The following PDGFD variants were observed in gnomAD, a reference collection of about 807,000 sequenced individuals.
PDGFD encodes the protein platelet-derived growth factor D.
PDGFD carries 30 observed loss-of-function variants against 44.7 expected under a neutral mutation model. That is an observed-to-expected ratio of 0.67 (90% CI 0.50 to 0.91). The LOEUF (loss-of-function observed/expected upper bound fraction) is 0.91. Ranked by LOEUF, PDGFD falls within the 40% of genes least tolerant of loss-of-function variation. The pLI is 0.00. For synonymous variants in PDGFD, 173 were observed against 168.4 expected (o/e 1.03, Z -0.21); for missense variants, 445 against 457.8 (o/e 0.97, Z 0.25).
intron 1 of PDGFD, among the ~76,000 whole-genome samples, chr11:104,042,581 T>C (rs1860374506): frequency 6.6e-6 from 1 of 152,228 alleles, no homozygotes; most frequent in Non-Finnish European, 1.5e-5. Flanking sequence ...AGAGCATCAC[T>C]ATACAAATTA....
intron 3 of PDGFD, among the ~76,000 whole-genome samples, chr11:103,984,339 T>G (rs1230120283): frequency 6.6e-6 from 1 of 151,406 alleles, no homozygotes; most frequent in Non-Finnish European, 1.5e-5. Flanking sequence ...TGTTCTCACT[T>G]GAAAGTGGGA....
At chr11:103,935,928 T>C (rs1157147028) in intron 5 of PDGFD, among the ~76,000 whole-genome samples, 1 of 152,242 alleles carries the variant, frequency 6.6e-6, no homozygotes, top group African/African-American at 2.4e-5. Flanking sequence ...GTTAGAATTT[T>C]ATTACAAGTT....
rs201474030 is a variant in PDGFD at position 103,910,906 on chromosome 11, C to CAA, written c.988-1088_988-1087insTT. On this transcript the variant is annotated intron_variant, in intron 6 of 6. Transcript: ENST00000393158. ...AGCTTGGTGAGGGGAGGGGCGTCTG[C>CAA]CATTGCTGAGGCTTGAGTAGGCGAG... Among the ~76,000 whole-genome samples the CAA allele has an allele frequency of 8.4e-3, 1,273 of 152,276 alleles. 4 individuals carry two copies. The highest frequency in any genetic ancestry group is 0.013 in the Non-Finnish European group (906 of 68,012).
chr11:104,077,800 T>C (rs768558891), intron 1 of PDGFD, among the ~76,000 whole-genome samples: 1 of 152,222 alleles, frequency 6.6e-6, no homozygotes, highest in Non-Finnish European at 1.5e-5. Flanking sequence ...CTAATCAATC[T>C]ATTATAGGTA....
At chr11:103,980,486 A>G (rs1859253219) in intron 3 of PDGFD, among the ~76,000 whole-genome samples, 1 of 152,098 alleles carries the variant, frequency 6.6e-6, no homozygotes, top group Non-Finnish European at 1.5e-5. Flanking sequence ...TGCTGAATAC[A>G]GCTAGTTACA....
At chr11:103,965,950 A>C (rs1026883700) in intron 3 of PDGFD, among the ~76,000 whole-genome samples, 1 of 152,208 alleles carries the variant, frequency 6.6e-6, no homozygotes, top group Non-Finnish European at 1.5e-5. Flanking sequence ...TTCCAGGCCC[A>C]GATTCAGCAA....
chr11:104,145,099 T>G (rs1402196456), intron 1 of PDGFD, among the ~76,000 whole-genome samples: 3 of 152,226 alleles, frequency 2.0e-5, no homozygotes, highest in Admixed American at 2.0e-4. Flanking sequence ...GTGTTATTGT[T>G]ATTGTTATTT....
intron 1 of PDGFD, among the ~76,000 whole-genome samples, chr11:104,032,098 G>A (rs1048431216): frequency 6.6e-6 from 1 of 151,906 alleles, no homozygotes. Flanking sequence ...CATGGCACAT[G>A]TTTACCCATG....
At chr11:103,924,661 C>T (rs1467003621) in intron 6 of PDGFD, among the ~76,000 whole-genome samples, 1 of 152,082 alleles carries the variant, frequency 6.6e-6, no homozygotes, top group Non-Finnish European at 1.5e-5. Context: ...CCAGAAGTTA[C>T]CTCCTAACTT....
intron 1 of PDGFD, among the ~76,000 whole-genome samples, chr11:104,055,854 G>A (rs1376727816): frequency 2.6e-5 from 4 of 152,118 alleles, no homozygotes; most frequent in Non-Finnish European, 5.9e-5. Flanking sequence ...TCATTTAGAT[G>A]TGCTTCCTTC....
chr11:103,954,303 C>T (rs1858804241), intron 3 of PDGFD, among the ~76,000 whole-genome samples: 1 of 152,218 alleles, frequency 6.6e-6, no homozygotes, highest in Non-Finnish European at 1.5e-5. Context: ...AATGGATGTC[C>T]AAAGAAATCC....
chr11:104,046,547 T>C (rs1456577955), intron 1 of PDGFD, among the ~76,000 whole-genome samples: 2 of 147,480 alleles, frequency 1.4e-5, no homozygotes, highest in African/African-American at 2.5e-5. Flanking sequence ...TGTCTCCATA[T>C]GGCAAGGCCT....
chr11:103,934,685 T>G (rs10160779), intron 5 of PDGFD, among the ~76,000 whole-genome samples: 1,689 of 152,230 alleles, frequency 0.011, 28 homozygotes, highest in African/African-American at 0.039. Context: ...GTAGGGGAAC[T>G]GCCCTTTATA....
At chr11:104,030,952 A>G (rs1860114862) in intron 1 of PDGFD, among the ~76,000 whole-genome samples, 1 of 152,092 alleles carries the variant, frequency 6.6e-6, no homozygotes, top group Non-Finnish European at 1.5e-5. Flanking sequence ...ATTTCTCATA[A>G]CTCATTAATT....
intron 1 of PDGFD, among the ~76,000 whole-genome samples, chr11:104,156,890 T>C (rs909472432): frequency 1.3e-5 from 2 of 152,232 alleles, no homozygotes; most frequent in Non-Finnish European, 2.9e-5. Flanking sequence ...TGAAATACTG[T>C]ATGAGGAGGC....
At chr11:104,022,366 G>C (rs185342736) in intron 1 of PDGFD, among the ~76,000 whole-genome samples, 22 of 152,246 alleles carry the variant, frequency 1.4e-4, no homozygotes, top group African/African-American at 5.3e-4. Flanking sequence ...GCCTTAAAGA[G>C]ACAACTGCAT....
At chr11:104,153,804 A>G (rs1315232913) in intron 1 of PDGFD, among the ~76,000 whole-genome samples, 5 of 152,168 alleles carry the variant, frequency 3.3e-5, no homozygotes, top group African/African-American at 1.2e-4. Flanking sequence ...ACAAGGTAGA[A>G]GCTAAAAATA....
chr11:104,009,064 T>G (rs572022483), intron 1 of PDGFD, among the ~76,000 whole-genome samples: 1 of 152,158 alleles, frequency 6.6e-6, no homozygotes, highest in African/African-American at 2.4e-5. Flanking sequence ...ACATTTAGCA[T>G]GAACATTAAG....
At chr11:104,096,241 C>CCA (rs1861285132) in intron 1 of PDGFD, among the ~76,000 whole-genome samples, 1 of 150,664 alleles carries the variant, frequency 6.6e-6, no homozygotes, top group East Asian at 1.9e-4. Context: ...ATTTTTCCTG[C>CCA]AAAAAAAAAC....
Sources: allele counts gnomAD v4.1 joint callset (sites outside exome capture counted in the v4.1 genomes callset), GRCh38; gene constraint gnomAD v4.1.1; transcripts MANE v1.5; gene names NCBI Gene and HGNC (gene_info 2026-07-23, HGNC 2026-07-21).